Variants in DNAJC13 observed in about 807,000 individuals in gnomAD.
The protein encoded by DNAJC13 is dnaJ homolog subfamily C member 13.
DNAJC13 carries 75 observed loss-of-function variants against 290.5 expected under a neutral mutation model. The ratio of observed to expected loss-of-function variants is 0.26; its 90% confidence interval spans 0.21 to 0.31. The LOEUF (loss-of-function observed/expected upper bound fraction) is 0.31. Ranked by LOEUF, DNAJC13 falls within the 10% of genes least tolerant of loss-of-function variation. The pLI, the probability that DNAJC13 is intolerant of heterozygous loss-of-function variation, is 1.00. For missense variants in DNAJC13, 2,260 were observed against 2,674.5 expected (o/e 0.85, Z 3.42); for synonymous variants, 862 against 892.0 (o/e 0.97, Z 0.60).
chr3:132,449,718 T>A (rs1362358916), intron 5 of DNAJC13, among the ~76,000 whole-genome samples: 2 of 152,200 alleles, frequency 1.3e-5, no homozygotes, highest in African/African-American at 4.8e-5. Flanking sequence ...TATTTCAGTA[T>A]CAGAAATAGT....
chr3:132,471,183 A>C (rs1407461587), intron 20 of DNAJC13, among the ~76,000 whole-genome samples: 4 of 104,890 alleles, frequency 3.8e-5, no homozygotes, highest in African/African-American at 7.4e-5. Context: ...ACTTCCCAGT[A>C]GGGGCGGCCG....
At chr3:132,516,612 A>G in intron 47 of DNAJC13, 92 bp from the exon 48 acceptor site, 1 of 1,527,158 alleles carries the variant, frequency 6.5e-7, no homozygotes, top group Non-Finnish European at 8.9e-7. Flanking sequence ...ACAGTTTTTA[A>G]AAACTACATT....
At chr3:132,507,065 A>G (rs1935616609) in intron 42 of DNAJC13, among the ~76,000 whole-genome samples, 172 bp from the exon 43 acceptor site, 2 of 152,222 alleles carry the variant, frequency 1.3e-5, no homozygotes, top group African/African-American at 2.4e-5. Context: ...ATAAAAAATT[A>G]TAATGTAATT....
intron 1 of DNAJC13, among the ~76,000 whole-genome samples, chr3:132,420,728 TA>T (rs1938930445): frequency 6.6e-6 from 1 of 152,002 alleles, no homozygotes; most frequent in South Asian, 2.1e-4. Context: ...ATGAAGGCTG[TA>T]ATACACTGAG....
chr3:132,523,024 A>G, intron 49 of DNAJC13, 27 bp downstream of exon 49: 2 of 1,604,608 alleles, frequency 1.2e-6, no homozygotes, highest in Non-Finnish European at 1.7e-6. Context: ...GTAATAATTT[A>G]TAGCCTTTAA....
At chr3:132,482,353 T>C (rs2107697297) in intron 27 of DNAJC13, 23 bp downstream of exon 27, 2 of 1,588,112 alleles carry the variant, frequency 1.3e-6, no homozygotes, top group East Asian at 2.2e-5. Context: ...GAGATACTTT[T>C]GGTGAAGGTC....
intron 3 of DNAJC13, among the ~76,000 whole-genome samples, 189 bp from the exon 4 acceptor site, chr3:132,447,132 A>G (rs1933271982): frequency 6.6e-6 from 1 of 152,112 alleles, no homozygotes; most frequent in Non-Finnish European, 1.5e-5. Flanking sequence ...ATAGGAATAC[A>G]TATTGGATTT....
chr3:132,503,295 C>G lies in DNAJC13; in HGVS notation c.4798C>G (p.Pro1600Ala), dbSNP rs1180506087. ...GTATTTGGCTGAAGAACAAGCAACT[C>G]CAGAAAATCCAACCATAAGGAAAAG... Reference protein sequence around the residue: ...GGYLAEEQATPENPTIRKSLA... With the variant: ...GGYLAEEQATAENPTIRKSLA... The change falls in exon 41 of 56, where the codon CCA becomes GCA. Residue 1600 changes from proline (P) to alanine (A), a missense_variant. Coordinates refer to ENST00000260818, the MANE Select transcript of DNAJC13 (RefSeq NM_015268.4). The G allele has an allele frequency of 1.2e-6, 2 of 1,613,958 alleles. No homozygotes were observed. The highest frequency in any genetic ancestry group is 2.7e-5 in the African/African-American group (2 of 74,888).
chr3:132,523,570 G>A lies in DNAJC13; in HGVS notation c.5917G>A (p.Glu1973Lys), dbSNP rs748483311. The change falls in exon 51 of 56, where the codon GAA becomes AAA. Residue 1973 changes from glutamate to lysine, a missense_variant. Physicochemically the swap from Glu to Lys is moderately conservative, Grantham distance 56 (BLOSUM62 1). Around this residue, in one of 3 missense-constraint regions of DNAJC13, gnomAD observed 1,494 missense variants for 1,693.7 expected, o/e 0.88. Coordinates refer to ENST00000260818, the MANE Select transcript of DNAJC13 (RefSeq NM_015268.4). ...LPEDFAVVFG[E>K]AEGELAVGGV... Reference sequence around the variant, plus strand: ...TGAAGATTTTGCTGTGGTGTTTGGAGAAGCAGAGGGTGAACTTGCTGTTGG... The same window carrying A: ...TGAAGATTTTGCTGTGGTGTTTGGAAAAGCAGAGGGTGAACTTGCTGTTGG... 2 of 1,613,960 alleles carry A rather than the reference G, an allele frequency of 1.2e-6. No individual in the cohort carries two copies. Among genetic ancestry groups the A allele is most frequent in the South Asian group, 1.1e-5 (1 of 91,026 alleles).
intron 6 of DNAJC13, among the ~76,000 whole-genome samples, chr3:132,452,684 G>T (rs780984868): frequency 2.6e-5 from 4 of 152,138 alleles, no homozygotes; most frequent in Non-Finnish European, 5.9e-5. Context: ...TTCAGATTTG[G>T]GATGCTCAAC....
intron 39 of DNAJC13, 61 bp from the exon 40 acceptor site, chr3:132,502,228 G>C: frequency 1.6e-6 from 2 of 1,234,974 alleles, no homozygotes; most frequent in Non-Finnish European, 2.1e-6. Context: ...GTTCCTCTTG[G>C]GAGCTTTTTT....
intron 37 of DNAJC13, 50 bp downstream of exon 37, chr3:132,499,360 A>G (rs1029677758): frequency 7.0e-7 from 1 of 1,438,172 alleles, no homozygotes; most frequent in South Asian, 1.4e-5. Context: ...CACACATTAT[A>G]TGACTCTTGG....
intron 29 of DNAJC13, among the ~76,000 whole-genome samples, chr3:132,486,439 A>T (rs544073973): frequency 6.6e-6 from 1 of 152,288 alleles, no homozygotes; most frequent in African/African-American, 2.4e-5. Context: ...AGGGATGATT[A>T]AAAAACTTTT....
At chr3:132,517,909 G>A (rs571258170) in intron 48 of DNAJC13, among the ~76,000 whole-genome samples, 1 of 152,338 alleles carries the variant, frequency 6.6e-6, no homozygotes, top group South Asian at 2.1e-4. Flanking sequence ...TAAGTTAATA[G>A]TCTTCTGCAG....
intron 20 of DNAJC13, among the ~76,000 whole-genome samples, chr3:132,469,963 C>CTTTTTTTTTTTTTTTTTTT (rs61726289): frequency 4.1e-4 from 25 of 61,152 alleles, no homozygotes; most frequent in Non-Finnish European, 6.4e-4. Context: ...AGCAGAGATT[C>CTTTTTTTTTTTTTTTTTTT]TTTTTTTTTT....
chr3:132,475,175 C>A, intron 22 of DNAJC13, 90 bp downstream of exon 22: 1 of 923,192 alleles, frequency 1.1e-6, no homozygotes, highest in Non-Finnish European at 1.5e-6. Context: ...TTTGTAATTA[C>A]ATATCTGGTC....
At chr3:132,484,695 GA>G (rs1576491469) in intron 29 of DNAJC13, 23 bp downstream of exon 29, 2 of 1,574,544 alleles carry the variant, frequency 1.3e-6, no homozygotes, top group Non-Finnish European at 8.7e-7. Flanking sequence ...ATCAAACTAG[GA>G]GCAATTTTAA....
chr3:132,430,088 C>T (rs1939202187), intron 1 of DNAJC13, among the ~76,000 whole-genome samples: 1 of 152,086 alleles, frequency 6.6e-6, no homozygotes, highest in Admixed American at 6.5e-5. Flanking sequence ...TAGGCCAGGT[C>T]ATTGGTAGTT....
In DNAJC13 at chr3:132,488,282, T is replaced by G. The variant is rs1363618922; in HGVS notation, c.3268-16T>G. 16 of 1,575,260 alleles carry G rather than the reference T, an allele frequency of 1.0e-5. No individual in the cohort carries two copies. Among genetic ancestry groups the G allele is most frequent in the Non-Finnish European group, 1.4e-5 (16 of 1,164,064 alleles). On this transcript the variant is annotated splice_polypyrimidine_tract_variant and intron_variant, in intron 29 of 55. Coordinates refer to ENST00000260818, the MANE Select transcript of DNAJC13 (RefSeq NM_015268.4). ...GTTTTTTACAACCCAATAAAAACAT[T>G]TTAATTTTTTTTCAGCTACTGCTGA...
Sources: allele counts gnomAD v4.1 joint callset (sites outside exome capture counted in the v4.1 genomes callset), GRCh38; gene constraint gnomAD v4.1.1; regional missense constraint gnomAD v4.1.1; transcripts MANE v1.5; gene names NCBI Gene and HGNC (gene_info 2026-07-23, HGNC 2026-07-21).